Variants in BRINP3 observed in about 807,000 individuals in gnomAD.
BRINP3 encodes the protein BMP/retinoic acid-inducible neural-specific protein 3.
A neutral mutation model predicts 71.0 loss-of-function variants in BRINP3; 19 were observed. The ratio of observed to expected loss-of-function variants is 0.27; its 90% CI spans 0.19 to 0.39. BRINP3 has a LOEUF of 0.39. Ranked by LOEUF, BRINP3 falls within the 10% of genes least tolerant of loss-of-function variation. The pLI, the probability that BRINP3 is intolerant of heterozygous loss-of-function variation, is 1.00. For synonymous variants in BRINP3, 380 were observed against 337.7 expected (o/e 1.13, Z -1.37); for missense variants, 959 against 940.8 (o/e 1.02, Z -0.25).
At chr1:190,380,653 C>A (rs903963908) in intron 2 of BRINP3, among the ~76,000 whole-genome samples, 1 of 151,802 alleles carries the variant, frequency 6.6e-6, no homozygotes, top group African/African-American at 2.4e-5. Flanking sequence ...TAAAAGTATC[C>A]CAAAGTCAAA....
At chr1:190,204,290 G>A (rs1655296563) in intron 6 of BRINP3, among the ~76,000 whole-genome samples, 1 of 151,350 alleles carries the variant, frequency 6.6e-6, no homozygotes, top group Admixed American at 6.6e-5. Context: ...AACTTTAAGA[G>A]GAAACCTTAA....
chr1:190,454,559 AC>A, intron 2 of BRINP3, 95 bp downstream of exon 2: 1 of 922,952 alleles, frequency 1.1e-6, no homozygotes, highest in Non-Finnish European at 1.6e-6. Flanking sequence ...TTCTGATAAT[AC>A]CTTTTTCCCG....
intron 7 of BRINP3, among the ~76,000 whole-genome samples, chr1:190,122,132 T>C (rs1460720882): frequency 6.6e-6 from 1 of 152,176 alleles, no homozygotes; most frequent in African/African-American, 2.4e-5. Flanking sequence ...TGTATAATAT[T>C]GAATCCTTCT....
intron 1 of BRINP3, chr1:190,475,761 T>C (rs183404780): frequency 1.3e-5 from 2 of 152,268 alleles, no homozygotes; most frequent in Admixed American, 6.5e-5. Flanking sequence ...TCAGGTATAA[T>C]ACAGCAAAAC....
At chr1:190,377,491 G>T (rs896318950) in intron 2 of BRINP3, among the ~76,000 whole-genome samples, 2 of 150,964 alleles carry the variant, frequency 1.3e-5, no homozygotes, top group African/African-American at 4.9e-5. Flanking sequence ...GTTTAAAAAA[G>T]AAATTACATC....
intron 2 of BRINP3, among the ~76,000 whole-genome samples, chr1:190,362,502 A>T (rs1386093425): frequency 1.3e-5 from 2 of 152,300 alleles, no homozygotes; most frequent in East Asian, 3.9e-4. Context: ...ATCACTATTC[A>T]CAGCAAACCC....
At chr1:190,448,761 A>G (rs1379721926) in intron 2 of BRINP3, among the ~76,000 whole-genome samples, 1 of 151,610 alleles carries the variant, frequency 6.6e-6, no homozygotes, top group South Asian at 2.1e-4. Flanking sequence ...CACTTATTAC[A>G]TTTGCTATAT....
chr1:190,410,077 T>A (rs1672566108), intron 2 of BRINP3, among the ~76,000 whole-genome samples: 1 of 152,166 alleles, frequency 6.6e-6, no homozygotes, highest in South Asian at 2.1e-4. Flanking sequence ...TATTTATCCT[T>A]TGCTCTTTAA....
chr1:190,219,399 A>G (rs978988173), intron 6 of BRINP3, among the ~76,000 whole-genome samples: 2 of 152,130 alleles, frequency 1.3e-5, no homozygotes, highest in Non-Finnish European at 2.9e-5. Context: ...GAAATTTAAC[A>G]AAGATATTAA....
chr1:190,109,625 A>G (rs1258738205), intron 7 of BRINP3, among the ~76,000 whole-genome samples: 1 of 152,242 alleles, frequency 6.6e-6, no homozygotes, highest in African/African-American at 2.4e-5. Context: ...GACTGAATAA[A>G]GAAGATGTGC....
chr1:190,433,954 C>T (rs540034452), intron 2 of BRINP3, among the ~76,000 whole-genome samples: 3 of 151,910 alleles, frequency 2.0e-5, no homozygotes, highest in Middle Eastern at 3.2e-3. Flanking sequence ...TTATCCCCAC[C>T]CCGGTTTTCT....
chr1:190,115,841 G>A (rs891032538), intron 7 of BRINP3, among the ~76,000 whole-genome samples: 2 of 152,078 alleles, frequency 1.3e-5, no homozygotes, highest in African/African-American at 4.8e-5. Context: ...TTTCTGAACA[G>A]GTTCTACCTA....
intron 2 of BRINP3, among the ~76,000 whole-genome samples, chr1:190,436,972 A>G (rs1258966502): frequency 6.6e-6 from 1 of 151,852 alleles, no homozygotes; most frequent in African/African-American, 2.4e-5. Context: ...AAGCGATTAC[A>G]ATATAAGTTA....
At chr1:190,378,239 C>T (rs995666077) in intron 2 of BRINP3, among the ~76,000 whole-genome samples, 6 of 152,172 alleles carry the variant, frequency 3.9e-5, no homozygotes, top group African/African-American at 1.4e-4. Flanking sequence ...AGAAAGTCTC[C>T]TGGCACCTCT....
At chr1:190,335,117 G>A (rs969326127) in intron 2 of BRINP3, among the ~76,000 whole-genome samples, 6 of 151,772 alleles carry the variant, frequency 4.0e-5, no homozygotes, top group African/African-American at 1.2e-4. Flanking sequence ...TGGGAAAGCA[G>A]GGAGAATTCT....
intron 2 of BRINP3, among the ~76,000 whole-genome samples, chr1:190,301,246 T>C (rs199820575): frequency 0.12 from 15,406 of 129,028 alleles, 1,384 homozygotes; most frequent in South Asian, 0.22. Context: ...CACACATACA[T>C]ATATATATAT....
chr1:190,375,935 G>T (rs1164566546), intron 2 of BRINP3, among the ~76,000 whole-genome samples: 1 of 151,748 alleles, frequency 6.6e-6, no homozygotes, highest in Non-Finnish European at 1.5e-5. Context: ...AAATGAAAAT[G>T]TAATCTCCAT....
chr1:190,215,918 T>C (rs1187812165), intron 6 of BRINP3, among the ~76,000 whole-genome samples: 1 of 151,826 alleles, frequency 6.6e-6, no homozygotes, highest in Non-Finnish European at 1.5e-5. Context: ...AAATATCCGT[T>C]CTTTATATAG....
chr1:190,367,197 T>G (rs1571874318), intron 2 of BRINP3, among the ~76,000 whole-genome samples: 1 of 152,232 alleles, frequency 6.6e-6, no homozygotes, highest in East Asian at 1.9e-4. Context: ...TGCAGGCATT[T>G]CCACACATTC....
Sources: gnomAD v4.1 joint callset for allele counts (sites outside exome capture counted in the v4.1 genomes callset) on GRCh38, gnomAD v4.1.1 for gene constraint, MANE v1.5 for transcripts, NCBI Gene and HGNC (gene_info 2026-07-23, HGNC 2026-07-21) for gene names.